The following MEX3D variants were observed in gnomAD, a reference collection of about 807,000 sequenced individuals.
The protein encoded by MEX3D is RNA-binding protein MEX3D.
MEX3D carries 4 observed loss-of-function variants against 6.3 expected under a neutral mutation model. That is an observed-to-expected ratio of 0.64 (90% CI 0.31 to 1.46). The LOEUF is 1.46. MEX3D is among the 40% of genes most tolerant of loss of function. The pLI, the probability that MEX3D is intolerant of heterozygous loss-of-function variation, is 0.07. For missense variants in MEX3D, 1,038 were observed against 994.4 expected, an observed-to-expected ratio of 1.04 and a Z score of -0.59; for synonymous variants, 626 against 494.1, an observed-to-expected ratio of 1.27 and a Z score of -3.54.
chr19:1,558,781 T>C (rs950369053), intron 1 of MEX3D, among the ~76,000 whole-genome samples: 3 of 152,204 alleles, frequency 2.0e-5, no homozygotes, highest in Non-Finnish European at 4.4e-5. Flanking sequence ...TCCAGATGCC[T>C]CCGAGGCATC....
Position 1,568,261 on chromosome 19 carries a change from TGGCTGCGGCTCGGC to T in MEX3D, c.-217_-204del, listed in dbSNP as rs1914909155. The stretch of plus-strand genomic sequence containing the variant: ...CCGGGCCGGGCGGCGGCAGCGACTC[TGGCTGCGGCTCGGC>T]GGCGGCGGCGACGGCGGCGGCGGCT... On this transcript the variant is annotated 5_prime_UTR_variant, in exon 1 of 2. Transcript: ENST00000402693. Among the ~76,000 whole-genome samples, 1 of 132,404 alleles carries T rather than the reference TGGCTGCGGCTCGGC, an allele frequency of 7.6e-6. No homozygotes were observed. Among genetic ancestry groups the T allele is most frequent in the Non-Finnish European group, 1.6e-5 (1 of 61,298 alleles). 86.9% of individuals were successfully genotyped at this position (132,404 alleles called of 152,430 possible). A position where few individuals can be genotyped will look rare whatever the true frequency, so the allele number is the denominator to read the frequency against.
chr19:1,558,107 C>CCTAGTA (rs1259186627), intron 1 of MEX3D, among the ~76,000 whole-genome samples: 1 of 150,390 alleles, frequency 6.6e-6, no homozygotes, highest in African/African-American at 2.4e-5. Context: ...CACCCGTAAT[C>CCTAGTA]CTAGTACTTC....
In MEX3D at chr19:1,555,555, T is replaced by A. The variant is rs1568263120; in HGVS notation, c.*8A>T. ...GCAGATGGCCCCGGCCACGTGGTGG[T>A]CCGCGCTCTAGGAAAAGATATGAAT... is the stretch of plus-strand genomic sequence containing the variant. On this transcript the variant is annotated 3_prime_UTR_variant, in exon 2 of 2. Coordinates refer to ENST00000402693, the MANE Select transcript of MEX3D (RefSeq NM_203304.4). 6.4e-7 allele frequency: 1 copy of A among 1,559,232 alleles called. No homozygotes were observed. The highest frequency in any genetic ancestry group is 8.7e-7 in the Non-Finnish European group (1 of 1,154,546).
At position 1,556,423 on chromosome 19, in the gene MEX3D, G is replaced by A. The variant is rs1421667405; in HGVS notation, c.1096C>T (p.Leu366Phe). 2 of 1,589,034 alleles carry A rather than the reference G, an allele frequency of 1.3e-6. No homozygotes were observed. Among genetic ancestry groups the A allele is most frequent in the Non-Finnish European group, 1.7e-6 (2 of 1,173,702 alleles). Residue 366 changes from leucine to phenylalanine, a missense_variant, in exon 2 of 2, where the codon CTC becomes TTC. Physicochemically the swap from Leu to Phe is conservative, Grantham distance 22 (BLOSUM62 0). Transcript: ENST00000402693. This position sits in a 1 kb window ranked among gnomAD's most constrained non-coding sequence, Gnocchi z 7.5. ...ANGTDVCLDL[L>F]GAAASLWAKT... is the part of the protein sequence containing the mutation. ...GCCCAGAGGCTGGCGGCCGCCCCGAGCAGGTCCAGGCAGACGTCGGTGCCG... is the reference window on the plus strand; with the variant it reads ...GCCCAGAGGCTGGCGGCCGCCCCGAACAGGTCCAGGCAGACGTCGGTGCCG...
Position 1,556,820 on chromosome 19 carries a change from C to T in MEX3D, c.699G>A (p.Val233=), listed in dbSNP as rs149570815. The part of the protein sequence containing the change: ...VFIVTGRKED[V]EMAKREILSA... ...ACAGGATCTCACGCTTGGCCATCTCCACGTCCTCCTTCCGGCCGGTCACGA... is the reference window on the plus strand; with the variant it reads ...ACAGGATCTCACGCTTGGCCATCTCTACGTCCTCCTTCCGGCCGGTCACGA... The change falls in exon 2 of 2, where the codon GTG becomes GTA. Residue 233 remains valine, a synonymous_variant. Transcript: ENST00000402693. This position sits in a 1 kb window ranked among gnomAD's most constrained non-coding sequence, Gnocchi z 7.5. 8.9e-5 allele frequency: 144 copies of T among 1,612,542 alleles called. No homozygotes were observed. The African/African-American group carries it at 1.8e-3, about 20-fold the overall frequency.
chr19:1,558,733 C>T (rs898564152), intron 1 of MEX3D, among the ~76,000 whole-genome samples: 1 of 152,212 alleles, frequency 6.6e-6, no homozygotes, highest in Non-Finnish European at 1.5e-5. Flanking sequence ...TAAGGGGAGC[C>T]GAGGTCTCGG....
Position 1,556,449 on chromosome 19 carries a change from T to C in MEX3D, c.1070A>G (p.Asn357Ser), listed in dbSNP as rs1914564251. The C allele has an allele frequency of 2.5e-6, 4 of 1,598,062 alleles. No individual in the cohort carries two copies. The highest frequency in any genetic ancestry group is 3.3e-5 in the Admixed American group (2 of 59,774). Residue 357 changes from asparagine (N) to serine (S), a missense_variant, in exon 2 of 2, where the codon AAC becomes AGC. By Grantham distance (46) the Asn-to-Ser change is conservative. Transcript: ENST00000402693. The surrounding 1 kb of genome is among the most constrained non-coding windows in gnomAD (Gnocchi z 7.5). ...DAGPDSDFHA[N>S]GTDVCLDLLG... is the part of the protein sequence containing the mutation. ...CAGGTCCAGGCAGACGTCGGTGCCGTTGGCGTGGAAGTCGCTGTCGGGGCC... is the reference window on the plus strand; with the variant it reads ...CAGGTCCAGGCAGACGTCGGTGCCGCTGGCGTGGAAGTCGCTGTCGGGGCC...
At position 1,556,174 on chromosome 19, in the gene MEX3D, C is replaced by A. The variant is rs1247012060; in HGVS notation, c.1345G>T (p.Asp449Tyr). The A allele has an allele frequency of 1.4e-6, 2 of 1,457,220 alleles. No individual in the cohort carries two copies. Among genetic ancestry groups the A allele is most frequent in the Non-Finnish European group, 1.8e-6 (2 of 1,104,070 alleles). 90.3% of individuals were successfully genotyped at this position (1,457,220 alleles called of 1,614,324 possible). A position where few individuals can be genotyped will look rare whatever the true frequency, so the allele number is the denominator to read the frequency against. ...PGAPVGTAAP[D>Y]DCDFGFDFDF... Reference sequence around the variant, plus strand: ...AAGTCGAAGCCGAAGTCGCAGTCGTCGGGGGCGGCCGTCCCCACCGGGGCA... The same window carrying A: ...AAGTCGAAGCCGAAGTCGCAGTCGTAGGGGGCGGCCGTCCCCACCGGGGCA... The change falls in exon 2 of 2, where the codon GAC (aspartate) becomes TAC (tyrosine). Residue 449 changes from aspartate (D) to tyrosine (Y), a missense_variant. Physicochemically the swap from Asp to Tyr is radical, Grantham distance 160. This residue lies in a region of MEX3D where 581 missense variants were observed against 516.2 expected (regional missense o/e 1.13). Coordinates refer to ENST00000402693, the MANE Select transcript of MEX3D (RefSeq NM_203304.4). This position sits in a 1 kb window ranked among gnomAD's most constrained non-coding sequence, Gnocchi z 7.5.
At position 1,556,497 on chromosome 19, in the gene MEX3D, C is replaced by T. The variant is rs1295026311; in HGVS notation, c.1022G>A (p.Arg341His). The T allele has an allele frequency of 1.9e-6, 3 of 1,604,790 alleles. No individual in the cohort carries two copies. The highest frequency in any genetic ancestry group is 2.5e-6 in the Non-Finnish European group (3 of 1,177,976). The change falls in exon 2 of 2, where the codon CGC (arginine) becomes CAC (histidine). Residue 341 changes from arginine (R) to histidine (H), a missense_variant. By Grantham distance (29) the Arg-to-His change is conservative. This residue lies in a region of MEX3D where 581 missense variants were observed against 516.2 expected (regional missense o/e 1.13). Coordinates refer to ENST00000402693, the MANE Select transcript of MEX3D (RefSeq NM_203304.4). This position sits in a 1 kb window ranked among gnomAD's most constrained non-coding sequence, Gnocchi z 7.5. Reference sequence around the variant, plus strand: ...GCCCGCGTCGGTGAAGGCGCCAGTGCGCAGCGTGATGTGCGCCTCGATCTC... The same window carrying T: ...GCCCGCGTCGGTGAAGGCGCCAGTGTGCAGCGTGATGTGCGCCTCGATCTC... ...REEIEAHITL[R>H]TGAFTDAGPD...
chr19:1,557,413 G>C (rs113320060), intron 1 of MEX3D, among the ~76,000 whole-genome samples: 1 of 144,480 alleles, frequency 6.9e-6, no homozygotes, highest in Non-Finnish European at 1.5e-5. Flanking sequence ...AAAAATACAA[G>C]CAATCATCCG....
In MEX3D at chr19:1,556,993, C is replaced by A; in HGVS notation, c.596-70G>T. ...GCGCAGCTCAGCCCCGCTGGGCATG[C>A]AGGCTGCAGGGCCAGTGAGGGAGCC... On this transcript the variant is annotated intron_variant, in intron 1 of 1. Transcript: ENST00000402693. This position sits in a 1 kb window ranked among gnomAD's most constrained non-coding sequence, Gnocchi z 7.5. 6.6e-7 allele frequency: 1 copy of A among 1,506,780 alleles called. No individual in the cohort carries two copies. The highest frequency in any genetic ancestry group is 8.8e-7 in the Non-Finnish European group (1 of 1,132,682). 93.3% of individuals were successfully genotyped at this position (1,506,780 alleles called of 1,614,324 possible).
rs1190530157 is a variant in MEX3D, at chr19:1,564,211, G to A, written c.595+3253C>T. ...ATGGGGCAGGTCAAGTCTGGCATAG[G>A]CTTAGCACACAGTAGACCCTCAATA... On this transcript the variant is annotated intron_variant, in intron 1 of 1. Transcript: ENST00000402693. Among the ~76,000 whole-genome samples, 5 of 152,146 alleles carry A rather than the reference G, an allele frequency of 3.3e-5. No individual in the cohort carries two copies. The East Asian group carries it at 5.8e-4, about 18-fold the overall frequency.
rs1197641589 is a variant in MEX3D, at chr19:1,568,046, G to C, written c.13C>G (p.Leu5Val). The C allele has an allele frequency of 3.1e-6, 3 of 978,308 alleles. No individual in the cohort carries two copies. Among genetic ancestry groups the C allele is most frequent in the Non-Finnish European group, 3.6e-6 (3 of 827,694 alleles). 60.6% of individuals were successfully genotyped at this position (978,308 alleles called of 1,614,324 possible). The change falls in exon 1 of 2, where the codon CTC (leucine) becomes GTC (valine). Residue 5 changes from leucine (L) to valine (V), a missense_variant. Leu to Val is a conservative substitution (Grantham distance 32). Around this residue, in one of 5 missense-constraint regions of MEX3D, gnomAD observed 265 missense variants for 206.3 expected, o/e 1.28. Coordinates refer to ENST00000402693, the MANE Select transcript of MEX3D (RefSeq NM_203304.4). Reference protein sequence around the residue: MPSSLGQPDGGGGGG... With the variant: MPSSVGQPDGGGGGG... ...CCCCCGCCGCCGTCGGGCTGGCCGA[G>C]CGAGCTGGGCATGGCGGGAGCTAGC... is the stretch of plus-strand genomic sequence containing the variant.
At chr19:1,565,393 T>A (rs1914814035) in intron 1 of MEX3D, among the ~76,000 whole-genome samples, 1 of 151,898 alleles carries the variant, frequency 6.6e-6, no homozygotes, top group African/African-American at 2.4e-5. Context: ...AATACAAAAA[T>A]CAGCTGAGCG....
At position 1,555,186 on chromosome 19, in the gene MEX3D, G is replaced by A; in HGVS notation, c.*377C>T. The A allele has an allele frequency of 2.5e-6, 2 of 811,222 alleles. No individual in the cohort carries two copies. Among genetic ancestry groups the A allele is most frequent in the Non-Finnish European group, 3.4e-6 (2 of 585,644 alleles). The allele number at this position is 811,222 out of a possible 1,614,324, so 50.3% of individuals were successfully genotyped here. A position where few individuals can be genotyped will look rare whatever the true frequency, so the allele number is the denominator to read the frequency against. ...AATCAGAAAACGGCTTCGGACGAAA[G>A]GAAAAAACGCTGAGCGCTGGAAAAG... is the stretch of plus-strand genomic sequence containing the variant. On this transcript the variant is annotated 3_prime_UTR_variant, in exon 2 of 2. Transcript: ENST00000402693.
At position 1,568,014 on chromosome 19, in the gene MEX3D, GC is replaced by G; in HGVS notation, c.44del (p.Gly15AlafsTer153). ...LGQPDGGGGG[G>X]GGGGGVGAAG... is the part of the protein sequence containing the mutation. Reference sequence around the variant, plus strand: ...CCGCCCCCACGCCGCCGCCGCCGCCGCCCCCGCCCCCGCCGCCGTCGGGCTG... The same window carrying G: ...CCGCCCCCACGCCGCCGCCGCCGCCGCCCCGCCCCCGCCGCCGTCGGGCTG... On this transcript the variant is annotated frameshift_variant, in exon 1 of 2. Transcript: ENST00000402693. LOFTEE classifies it high-confidence loss of function. 1 of 975,284 alleles carries G rather than the reference GC, an allele frequency of 1.0e-6. No individual in the cohort carries two copies. 60.4% of individuals were successfully genotyped at this position (975,284 alleles called of 1,614,324 possible). A position where few individuals can be genotyped will look rare whatever the true frequency, so the allele number is the denominator to read the frequency against.
intron 1 of MEX3D, among the ~76,000 whole-genome samples, chr19:1,563,211 A>G (rs1447907506): frequency 1.3e-5 from 2 of 152,170 alleles, no homozygotes; most frequent in Admixed American, 1.3e-4. Flanking sequence ...AGCTGTCGGG[A>G]AAACCTGGGG....
At chr19:1,562,502 G>C (rs1311513727) in intron 1 of MEX3D, among the ~76,000 whole-genome samples, 2 of 152,008 alleles carry the variant, frequency 1.3e-5, no homozygotes, top group Non-Finnish European at 2.9e-5. Context: ...TCCAGCCTGG[G>C]CGACAGAGTG....
chr19:1,555,561 C>G lies in MEX3D; in HGVS notation c.*2G>C. 1.3e-6 allele frequency: 2 copies of G among 1,573,788 alleles called. No individual in the cohort carries two copies. The highest frequency in any genetic ancestry group is 1.7e-6 in the Non-Finnish European group (2 of 1,162,398). On this transcript the variant is annotated 3_prime_UTR_variant, in exon 2 of 2. Transcript: ENST00000402693. ...GGCCCCGGCCACGTGGTGGTCCGCG[C>G]TCTAGGAAAAGATATGAATGGCCTG...
Sources: gnomAD v4.1 joint callset for allele counts (sites outside exome capture counted in the v4.1 genomes callset) on GRCh38, gnomAD v4.1.1 for gene constraint, gnomAD v4.1.1 regional missense constraint, Gnocchi (gnomAD v3.1) non-coding constraint, MANE v1.5 for transcripts, NCBI Gene and HGNC (gene_info 2026-07-23, HGNC 2026-07-21) for gene names.